Variants in TMEM47 observed in about 807,000 individuals in gnomAD.
The protein encoded by TMEM47 is brain cell membrane protein 1.
Under a neutral mutation model 12.4 loss-of-function variants are expected in TMEM47, and 3 were observed. That is an observed-to-expected ratio of 0.24 (90% confidence interval 0.11 to 0.63). TMEM47 has a LOEUF of 0.63. Ranked by LOEUF, TMEM47 falls within the 20% of genes least tolerant of loss-of-function variation. TMEM47 has a pLI of 0.86. For missense variants in TMEM47, 89 were observed against 143.8 expected (o/e 0.62, Z 1.95); for synonymous variants, 62 against 63.3 (o/e 0.98, Z 0.10).
intron 1 of TMEM47, among the ~76,000 whole-genome samples, chrX:34,656,177 G>A (rs1014818022): frequency 2.7e-5 from 3 of 111,708 alleles, no homozygotes; most frequent in Non-Finnish European, 5.6e-5. Context: ...GAGAAAGAAA[G>A]GCAACTCACA....
chrX:34,629,785 A>AT lies in TMEM47; in HGVS notation c.*527dup, dbSNP rs1343845452. The AT allele has an allele frequency of 3.6e-5, 4 of 111,911 alleles. No individual in the cohort carries two copies. The highest frequency in any genetic ancestry group is 1.3e-4 in the African/African-American group (4 of 30,713). The allele number at this position is 111,911 out of a possible 1,213,427, so 9.2% of individuals were successfully genotyped here. A position where few individuals can be genotyped will look rare whatever the true frequency, so the allele number is the denominator to read the frequency against. On this transcript the variant is annotated 3_prime_UTR_variant, in exon 3 of 3. Coordinates refer to ENST00000275954, the MANE Select transcript of TMEM47 (RefSeq NM_031442.4). ...TGTTCCTGAAGGTGGAATGTGTATC[A>AT]TTAACCAGTTACATTCACAACTCCC...
At chrX:34,646,539 G>A (rs192139447) in intron 1 of TMEM47, among the ~76,000 whole-genome samples, 33 of 111,677 alleles carry the variant, frequency 3.0e-4, no homozygotes, top group African/African-American at 8.1e-4. Flanking sequence ...TTCTAATCAT[G>A]GTATTTCTAC....
intron 1 of TMEM47, among the ~76,000 whole-genome samples, chrX:34,644,457 G>A (rs749444817): frequency 8.9e-6 from 1 of 112,214 alleles, no homozygotes; most frequent in East Asian, 2.8e-4. Context: ...CCAATTTTCA[G>A]AAAAGACAAA....
rs1234178859 is a variant in TMEM47 at position 34,629,431 on chromosome X, T to C, written c.*882A>G. 2 of 111,901 alleles carry C rather than the reference T, an allele frequency of 1.8e-5. No homozygotes were observed. The highest frequency in any genetic ancestry group is 3.8e-5 in the Non-Finnish European group (2 of 53,215). The allele number at this position is 111,901 out of a possible 1,213,427, so 9.2% of individuals were successfully genotyped here. Reference sequence around the variant, plus strand: ...CACTAGAGTAAATATTAATTTTACGTGTGATAGGCAAATGTATGTGGAGGG... The same window carrying C: ...CACTAGAGTAAATATTAATTTTACGCGTGATAGGCAAATGTATGTGGAGGG... On this transcript the variant is annotated 3_prime_UTR_variant, in exon 3 of 3. Coordinates refer to ENST00000275954, the MANE Select transcript of TMEM47 (RefSeq NM_031442.4).
In TMEM47 at chrX:34,647,349, C is replaced by T. The variant is rs186252614; in HGVS notation, c.227-7962G>A. On this transcript the variant is annotated intron_variant, in intron 1 of 2. Coordinates refer to ENST00000275954, the MANE Select transcript of TMEM47 (RefSeq NM_031442.4). ...GGGGTCTCGACTTCTATTTTTTTAACATGGTTTTGCCTAATAAACAGAAAT... is the reference window on the plus strand; with the variant it reads ...GGGGTCTCGACTTCTATTTTTTTAATATGGTTTTGCCTAATAAACAGAAAT... Among the ~76,000 whole-genome samples, 232 of 111,510 alleles carry T rather than the reference C, an allele frequency of 2.1e-3. 1 individual carries two copies. The highest frequency in any genetic ancestry group is 7.2e-3 in the African/African-American group (221 of 30,755).
chrX:34,629,899 C>T lies in TMEM47; in HGVS notation c.*414G>A, dbSNP rs1041579837. ...GTAGTCATTGGGTAGGATAAGCAGG[C>T]GGTAAGGGCTCTAACAGTGGAATCC... On this transcript the variant is annotated 3_prime_UTR_variant, in exon 3 of 3. Coordinates refer to ENST00000275954, the MANE Select transcript of TMEM47 (RefSeq NM_031442.4). 9 of 114,958 alleles carry T rather than the reference C, an allele frequency of 7.8e-5. No individual in the cohort carries two copies. The highest frequency in any genetic ancestry group is 4.5e-3 in the Middle Eastern group (1 of 224). 9.5% of individuals were successfully genotyped at this position (114,958 alleles called of 1,213,427 possible).
chrX:34,631,382 G>T (rs923349110), intron 2 of TMEM47, among the ~76,000 whole-genome samples: 1 of 110,375 alleles, frequency 9.1e-6, no homozygotes, highest in African/African-American at 3.3e-5. Flanking sequence ...GTCTCACCAT[G>T]ATGTCTTTGC....
In TMEM47 at chrX:34,651,639, A is replaced by G. The variant is rs189186771; in HGVS notation, c.226+5165T>C. 2.4e-4 allele frequency among the ~76,000 whole-genome samples: 27 copies of G among 112,303 alleles called. No individual in the cohort carries two copies. The East Asian group carries it at 5.0e-3, about 21-fold the overall frequency. Reference sequence around the variant, plus strand: ...ACTGGAATACTCTTGGTAAGAATCCATCTTTACCACTAGTTAATTGAGACC... The same window carrying G: ...ACTGGAATACTCTTGGTAAGAATCCGTCTTTACCACTAGTTAATTGAGACC... On this transcript the variant is annotated intron_variant, in intron 1 of 2. Coordinates refer to ENST00000275954, the MANE Select transcript of TMEM47 (RefSeq NM_031442.4).
chrX:34,652,307 A>AC (rs1249574082), intron 1 of TMEM47, among the ~76,000 whole-genome samples: 1 of 112,147 alleles, frequency 8.9e-6, no homozygotes, highest in Admixed American at 9.5e-5. Flanking sequence ...TTCCAGAGAC[A>AC]CATTTTGAAG....
At position 34,657,133 on chromosome X, in the gene TMEM47, C is replaced by A. The variant is rs187165303; in HGVS notation, c.-104G>T. 413 of 1,034,929 alleles carry A rather than the reference C, an allele frequency of 4.0e-4. No individual in the cohort carries two copies. Among genetic ancestry groups the A allele is most frequent in the African/African-American group, 4.0e-3 (198 of 49,697 alleles). 85.3% of individuals were successfully genotyped at this position (1,034,929 alleles called of 1,213,427 possible). ...GAAGGGAGAAGCCGCCGAGCTGCCA[C>A]GCGCGGGGACTCGCTCCCTCGGGGC... On this transcript the variant is annotated 5_prime_UTR_variant, in exon 1 of 3. Transcript: ENST00000275954.
intron 2 of TMEM47, among the ~76,000 whole-genome samples, chrX:34,636,708 A>C (rs1363451290): frequency 8.9e-6 from 1 of 112,019 alleles, no homozygotes; most frequent in African/African-American, 3.2e-5. Flanking sequence ...ATTATGTGCT[A>C]TGGTGCAGTC....
chrX:34,655,224 C>G (rs1196356957), intron 1 of TMEM47, among the ~76,000 whole-genome samples: 3 of 111,671 alleles, frequency 2.7e-5, no homozygotes, highest in Admixed American at 9.5e-5. Flanking sequence ...TTTCAGGAGA[C>G]AGAGAGAAAG....
At chrX:34,635,208 G>A (rs1310430334) in intron 2 of TMEM47, among the ~76,000 whole-genome samples, 1 of 111,562 alleles carries the variant, frequency 9.0e-6, no homozygotes, top group Non-Finnish European at 1.9e-5. Context: ...CTCCAGCTCC[G>A]TAGTCCTCTG....
At chrX:34,637,351 T>G (rs1329005224) in intron 2 of TMEM47, among the ~76,000 whole-genome samples, 5 of 110,955 alleles carry the variant, frequency 4.5e-5, no homozygotes, top group Non-Finnish European at 9.4e-5. Flanking sequence ...AGACAAAATC[T>G]TTATAATCTG....
intron 2 of TMEM47, among the ~76,000 whole-genome samples, chrX:34,632,045 C>T (rs889247949): frequency 4.5e-5 from 5 of 111,583 alleles, no homozygotes; most frequent in Non-Finnish European, 9.4e-5. Flanking sequence ...CAGCCACACT[C>T]ATTCATTTAC....
chrX:34,639,504 G>A (rs1432634000), intron 1 of TMEM47, 117 bp from the exon 2 acceptor site: 1 of 731,067 alleles, frequency 1.4e-6, no homozygotes, highest in Non-Finnish European at 2.0e-6. Context: ...TGCATGCTAA[G>A]CATCCTTTGG....
chrX:34,643,806 G>A (rs1476388538), intron 1 of TMEM47, among the ~76,000 whole-genome samples: 1 of 111,336 alleles, frequency 9.0e-6, no homozygotes, highest in Non-Finnish European at 1.9e-5. Flanking sequence ...ACCTGAGTTT[G>A]GTTTCTGAGA....
chrX:34,643,785 GCTGATTGGAAAC>G (rs917378321), intron 1 of TMEM47, among the ~76,000 whole-genome samples: 16 of 111,574 alleles, frequency 1.4e-4, no homozygotes, highest in Non-Finnish European at 7.5e-5. Context: ...TGTCACGCCA[GCTGATTGGAAAC>G]CTGAGTTTGG....
intron 1 of TMEM47, among the ~76,000 whole-genome samples, chrX:34,644,930 A>G (rs914123258): frequency 1.8e-5 from 2 of 111,809 alleles, no homozygotes; most frequent in African/African-American, 3.2e-5. Context: ...AATGATATCT[A>G]TAACTGCAAT....
Sources: gnomAD v4.1 joint callset for allele counts (sites outside exome capture counted in the v4.1 genomes callset) on GRCh38, gnomAD v4.1.1 for gene constraint, MANE v1.5 for transcripts, NCBI Gene and HGNC (gene_info 2026-07-23, HGNC 2026-07-21) for gene names.